Variants in SEC24D observed in about 807,000 individuals in gnomAD.
SEC24D encodes SEC24 homolog D, COPII component, also known as protein transport protein Sec24D.
In SEC24D, 69 loss-of-function variants were observed where a neutral mutation model predicts 116.9. The observed-to-expected ratio is 0.59, with a 90% CI of 0.49 to 0.72. SEC24D has a LOEUF of 0.72. Among genes scored for constraint, SEC24D ranks in the 30% least tolerant of loss-of-function variants. SEC24D has a pLI of 0.00. For synonymous variants in SEC24D, 405 were observed against 442.8 expected (o/e 0.91, Z 1.07); for missense variants, 1,131 against 1,264.1 (o/e 0.89, Z 1.60).
At chr4:118,778,955 A>G (rs1230537189) in intron 8 of SEC24D, among the ~76,000 whole-genome samples, 1 of 152,184 alleles carries the variant, frequency 6.6e-6, no homozygotes. Context: ...TTGATTTTGT[A>G]TCCTGAGACT....
At chr4:118,767,355 C>T (rs2110472412) in intron 9 of SEC24D, among the ~76,000 whole-genome samples, 1 of 152,304 alleles carries the variant, frequency 6.6e-6, no homozygotes. Context: ...GTGGGTAGAA[C>T]CATGTGTTCA....
At chr4:118,739,427 T>C (rs1179175520) in intron 17 of SEC24D, 140 bp from the exon 18 acceptor site, 1 of 737,416 alleles carries the variant, frequency 1.4e-6, no homozygotes, top group East Asian at 2.8e-5. Flanking sequence ...TTTTTTTCTA[T>C]TATTGTTAAA....
At chr4:118,726,208 A>T (rs886247098) in intron 22 of SEC24D, among the ~76,000 whole-genome samples, 1 of 152,208 alleles carries the variant, frequency 6.6e-6, no homozygotes, top group Non-Finnish European at 1.5e-5. Context: ...AGGCCCAGGT[A>T]GAACATGTTG....
chr4:118,812,609 C>T (rs932248426), intron 6 of SEC24D, among the ~76,000 whole-genome samples: 1 of 152,150 alleles, frequency 6.6e-6, no homozygotes, highest in Non-Finnish European at 1.5e-5. Context: ...CCGGGGCAGT[C>T]GGAGACCCAG....
At chr4:118,809,359 T>C (rs140186390) in intron 6 of SEC24D, among the ~76,000 whole-genome samples, 1 of 152,274 alleles carries the variant, frequency 6.6e-6, no homozygotes, top group African/African-American at 2.4e-5. Context: ...ATTTCCTTAC[T>C]TTCAAAATTT....
chr4:118,748,217 G>C (rs1726642194), intron 13 of SEC24D, among the ~76,000 whole-genome samples: 1 of 151,884 alleles, frequency 6.6e-6, no homozygotes, highest in Non-Finnish European at 1.5e-5. Flanking sequence ...AGTGAGCCGA[G>C]ATCATGCCAC....
At chr4:118,786,676 G>A (rs1560696556) in intron 8 of SEC24D, among the ~76,000 whole-genome samples, 1 of 152,108 alleles carries the variant, frequency 6.6e-6, no homozygotes, top group Non-Finnish European at 1.5e-5. Context: ...GAAAATATGG[G>A]CCTTAGAATT....
chr4:118,785,605 A>C (rs560009217), intron 8 of SEC24D, among the ~76,000 whole-genome samples: 6 of 152,348 alleles, frequency 3.9e-5, no homozygotes, highest in African/African-American at 1.4e-4. Context: ...TTATGAAAAA[A>C]TAAAGTCTAT....
Position 118,768,394 on chromosome 4 carries a change from C to CTTTTT in SEC24D, c.1042-88_1042-84dup, listed in dbSNP as rs34595739. On this transcript the variant is annotated intron_variant, in intron 8 of 22. Coordinates refer to ENST00000280551, the MANE Select transcript of SEC24D (RefSeq NM_014822.4). ...TAATTTGGGAAGTCTTTTAATGGCACTTTTTTTTTTTTTTTTTTGAGACAG... is the reference window on the plus strand; with the variant it reads ...TAATTTGGGAAGTCTTTTAATGGCACTTTTTTTTTTTTTTTTTTTTTTTGAGACAG... 9.1e-4 allele frequency: 530 copies of CTTTTT among 580,444 alleles called. 1 individual carries two copies. The highest frequency in any genetic ancestry group is 1.1e-3 in the Non-Finnish European group (421 of 372,330). 36.0% of individuals were successfully genotyped at this position (580,444 alleles called of 1,614,324 possible).
In SEC24D at chr4:118,796,274, G is replaced by A. The variant is rs1729175811; in HGVS notation, c.1041+1409C>T. ...TTAAAATGCATGCATTGTACATAGC[G>A]GCATCTCTGTCAATACATATTGGTC... is the stretch of plus-strand genomic sequence containing the variant. On this transcript the variant is annotated intron_variant, in intron 8 of 22. Transcript: ENST00000280551. 2.0e-5 allele frequency among the ~76,000 whole-genome samples: 3 copies of A among 152,066 alleles called. No individual in the cohort carries two copies. The South Asian group carries it at 6.2e-4, about 32-fold the overall frequency.
At chr4:118,827,947 G>T (rs948789258) in intron 2 of SEC24D, among the ~76,000 whole-genome samples, 7 of 151,914 alleles carry the variant, frequency 4.6e-5, no homozygotes, top group Non-Finnish European at 1.0e-4. Flanking sequence ...TTGTTGGGGG[G>T]GGAAAATGTT....
At chr4:118,751,176 CTTT>C (rs1185148886) in intron 13 of SEC24D, among the ~76,000 whole-genome samples, 7 of 100,320 alleles carry the variant, frequency 7.0e-5, no homozygotes, top group Non-Finnish European at 1.2e-4. Flanking sequence ...AGAGTGAGGG[CTTT>C]TTTTTTTTTT....
chr4:118,822,033 T>C (rs943218246), intron 3 of SEC24D, among the ~76,000 whole-genome samples: 2 of 152,208 alleles, frequency 1.3e-5, no homozygotes, highest in Admixed American at 1.3e-4. Context: ...AAGAGATTCC[T>C]GAGCTGTCAT....
chr4:118,738,539 G>A (rs548110650), intron 18 of SEC24D, among the ~76,000 whole-genome samples, 160 bp from the exon 19 acceptor site: 7 of 152,148 alleles, frequency 4.6e-5, no homozygotes, highest in Non-Finnish European at 2.9e-5. Flanking sequence ...GTCTCCTCTT[G>A]ACTAAATATG....
At chr4:118,742,520 T>G (rs1421503876) in intron 15 of SEC24D, among the ~76,000 whole-genome samples, 2 of 152,226 alleles carry the variant, frequency 1.3e-5, no homozygotes, top group African/African-American at 4.8e-5. Flanking sequence ...ATTAAAAGTT[T>G]ATTTTCTAGA....
intron 10 of SEC24D, among the ~76,000 whole-genome samples, chr4:118,759,049 G>A (rs1249721967): frequency 1.3e-5 from 2 of 152,130 alleles, no homozygotes; most frequent in Admixed American, 1.3e-4. Context: ...AAACCCAAGT[G>A]TGCTGTACCA....
At chr4:118,829,941 A>T (rs1345111901) in intron 2 of SEC24D, among the ~76,000 whole-genome samples, 1 of 152,262 alleles carries the variant, frequency 6.6e-6, no homozygotes, top group Non-Finnish European at 1.5e-5. Flanking sequence ...AGTGGAATAG[A>T]TACTTCAAAG....
chr4:118,742,827 C>G lies in SEC24D; in HGVS notation c.1995+1161G>C, dbSNP rs552925051. On this transcript the variant is annotated intron_variant, in intron 15 of 22. Transcript: ENST00000280551. The stretch of plus-strand genomic sequence containing the variant: ...CCTTAGGTGATGGGGAGTGACTCAT[C>G]TGATTAATAAGTTTGGGAAAAGGAA... 1.1e-4 allele frequency among the ~76,000 whole-genome samples: 17 copies of G among 152,266 alleles called. 1 individual carries two copies. The South Asian group carries it at 3.5e-3, about 32-fold the overall frequency.
At chr4:118,792,371 C>T (rs1193657639) in intron 8 of SEC24D, among the ~76,000 whole-genome samples, 3 of 152,294 alleles carry the variant, frequency 2.0e-5, no homozygotes, top group Admixed American at 1.3e-4. Flanking sequence ...TCTGCCCGGC[C>T]GCCACCCCTT....
Sources: gnomAD v4.1 joint callset for allele counts (sites outside exome capture counted in the v4.1 genomes callset) on GRCh38, gnomAD v4.1.1 for gene constraint, MANE v1.5 for transcripts, NCBI Gene and HGNC (gene_info 2026-07-23, HGNC 2026-07-21) for gene names.